The following PCSK5 variants were observed in gnomAD, a reference collection of about 807,000 sequenced individuals.
PCSK5 encodes proprotein convertase subtilisin/kexin type 5.
A neutral mutation model predicts 233.2 loss-of-function variants in PCSK5; 129 were observed. The ratio of observed to expected loss-of-function variants is 0.55; its 90% CI spans 0.48 to 0.64. PCSK5 has a LOEUF of 0.64. PCSK5 is among the 30% of genes least tolerant of loss of function. PCSK5 has a pLI of 0.00. For missense variants in PCSK5, 2,076 were observed against 2,430.1 expected (o/e 0.85, Z 3.06); for synonymous variants, 825 against 879.2 (o/e 0.94, Z 1.09).
chr9:76,358,056 C>A (rs1830346339), intron 37 of PCSK5, among the ~76,000 whole-genome samples: 1 of 152,170 alleles, frequency 6.6e-6, no homozygotes, highest in South Asian at 2.1e-4. Flanking sequence ...ATGTTGGACA[C>A]CTGGTGACTG....
chr9:75,899,384 G>C (rs887907717), intron 1 of PCSK5, among the ~76,000 whole-genome samples: 10 of 151,880 alleles, frequency 6.6e-5, no homozygotes, highest in Non-Finnish European at 7.4e-5. Context: ...TGTGGTAAGG[G>C]CACCTGAAAT....
At chr9:75,894,730 C>T (rs1385071026) in intron 1 of PCSK5, among the ~76,000 whole-genome samples, 1 of 152,018 alleles carries the variant, frequency 6.6e-6, no homozygotes, top group Non-Finnish European at 1.5e-5. Flanking sequence ...CTGAGCTGGC[C>T]GAGGGTAGGA....
intron 24 of PCSK5, among the ~76,000 whole-genome samples, chr9:76,289,488 CACACACACACACACACACACACGCAACAT>C (rs1211696081): frequency 1.3e-4 from 17 of 133,800 alleles, no homozygotes; most frequent in East Asian, 4.1e-4. Flanking sequence ...CACACACACA[CACACACACACACACACACACACGCAACAT>C]ACACACACAC....
intron 1 of PCSK5, among the ~76,000 whole-genome samples, chr9:75,930,694 G>T (rs1407055169): frequency 2.0e-5 from 3 of 152,088 alleles, no homozygotes; most frequent in Admixed American, 6.5e-5. Flanking sequence ...GTTCTGTGAC[G>T]ATCTTCCTTA....
chr9:75,926,604 A>G (rs1004085604), intron 1 of PCSK5, among the ~76,000 whole-genome samples: 2 of 151,944 alleles, frequency 1.3e-5, no homozygotes, highest in African/African-American at 2.4e-5. Flanking sequence ...GCCTGTTCCC[A>G]CTCCACACCC....
intron 1 of PCSK5, among the ~76,000 whole-genome samples, chr9:75,902,921 T>C (rs967639513): frequency 6.6e-6 from 1 of 152,170 alleles, no homozygotes; most frequent in Non-Finnish European, 1.5e-5. Context: ...GAACACTGAA[T>C]ATAGAGGGGA....
At chr9:76,001,345 C>T (rs925343558) in intron 3 of PCSK5, among the ~76,000 whole-genome samples, 3 of 151,874 alleles carry the variant, frequency 2.0e-5, no homozygotes, top group African/African-American at 7.3e-5. Context: ...TTCTCTCTCT[C>T]TAAGTATTTT....
intron 7 of PCSK5, among the ~76,000 whole-genome samples, chr9:76,087,880 C>A (rs528777742): frequency 2.0e-5 from 3 of 152,150 alleles, no homozygotes; most frequent in African/African-American, 7.2e-5. Context: ...GAAGTCATGT[C>A]GCATAAGAAA....
rs141564375 is a variant in PCSK5, at chr9:76,359,304, T to C, written c.*382T>C. ...GTTTCCGAGCTGCATTGTGGAGGTG[T>C]CTGCTGCCTCCTGGTATTCTAATTT... On this transcript the variant is annotated 3_prime_UTR_variant, in exon 38 of 38. Coordinates refer to ENST00000674117, the MANE Select transcript of PCSK5 (RefSeq NM_001372043.1). 1.2e-3 allele frequency: 213 copies of C among 179,592 alleles called. 1 individual carries two copies. Among genetic ancestry groups the C allele is most frequent in the African/African-American group, 4.8e-3 (206 of 42,628 alleles). The allele number at this position is 179,592 out of a possible 1,614,324, so 11.1% of individuals were successfully genotyped here.
intron 15 of PCSK5, among the ~76,000 whole-genome samples, chr9:76,180,095 A>G (rs912845104): frequency 0.034 from 4,898 of 144,802 alleles, 192 homozygotes; most frequent in African/African-American, 0.088. Context: ...GTGTATATAT[A>G]TATATATATA....
At chr9:75,943,085 A>C (rs1426188138) in intron 2 of PCSK5, among the ~76,000 whole-genome samples, 1 of 151,846 alleles carries the variant, frequency 6.6e-6, no homozygotes, top group Non-Finnish European at 1.5e-5. Flanking sequence ...GGGTTTCGCC[A>C]TGTTGGCCAG....
At chr9:76,323,712 A>G (rs2842467) in intron 32 of PCSK5, among the ~76,000 whole-genome samples, 82,626 of 151,980 alleles carry the variant, frequency 0.54, 23,219 homozygotes, top group African/African-American at 0.64. Context: ...TAAATGAATC[A>G]CTCATAAGCT....
At chr9:75,923,227 T>C (rs999000497) in intron 1 of PCSK5, among the ~76,000 whole-genome samples, 3 of 152,162 alleles carry the variant, frequency 2.0e-5, no homozygotes, top group African/African-American at 7.2e-5. Flanking sequence ...AGGTTTAGAG[T>C]CAGTTTCCTT....
chr9:75,909,433 C>A (rs974250606), intron 1 of PCSK5, among the ~76,000 whole-genome samples: 1 of 145,550 alleles, frequency 6.9e-6, no homozygotes, highest in African/African-American at 2.5e-5. Flanking sequence ...CGGTAGCTCA[C>A]GCCTGTAATC....
At chr9:76,001,434 A>G (rs1490450106) in intron 3 of PCSK5, among the ~76,000 whole-genome samples, 1 of 127,396 alleles carries the variant, frequency 7.8e-6, no homozygotes, top group Non-Finnish European at 1.7e-5. Context: ...TTTGTTACAT[A>G]TTACATGATT....
At chr9:76,259,142 G>T (rs1290619934) in intron 24 of PCSK5, among the ~76,000 whole-genome samples, 1 of 152,138 alleles carries the variant, frequency 6.6e-6, no homozygotes. Context: ...AGTAGATAAT[G>T]CTTGATGACT....
chr9:75,915,306 G>A (rs1822939234), intron 1 of PCSK5, among the ~76,000 whole-genome samples: 1 of 152,168 alleles, frequency 6.6e-6, no homozygotes. Flanking sequence ...CCATCATGTT[G>A]AGCAGCCTGT....
intron 2 of PCSK5, among the ~76,000 whole-genome samples, chr9:75,943,967 A>T (rs1824440283): frequency 2.0e-5 from 3 of 152,106 alleles, no homozygotes; most frequent in Admixed American, 2.0e-4. Context: ...GTTCGAGACC[A>T]GCCTAGGCAA....
At chr9:76,226,966 T>C (rs1228887348) in intron 20 of PCSK5, among the ~76,000 whole-genome samples, 2 of 152,220 alleles carry the variant, frequency 1.3e-5, no homozygotes, top group East Asian at 1.9e-4. Flanking sequence ...ATTTCTTCAC[T>C]ATTACTCTTT....
Sources: allele counts gnomAD v4.1 joint callset (sites outside exome capture counted in the v4.1 genomes callset), GRCh38; gene constraint gnomAD v4.1.1; transcripts MANE v1.5; gene names NCBI Gene and HGNC (gene_info 2026-07-23, HGNC 2026-07-21).